Variants in MTPN observed in about 807,000 individuals in gnomAD.
The protein encoded by MTPN is granule cell differentiation protein.
In MTPN, 2 loss-of-function variants were observed where a neutral mutation model predicts 13.5. The ratio of observed to expected loss-of-function variants is 0.15; its 90% confidence interval spans 0.06 to 0.47. The LOEUF (loss-of-function observed/expected upper bound fraction) is 0.47, where lower values mean the gene tolerates loss of function less well. Ranked by LOEUF, MTPN falls within the 20% of genes least tolerant of loss-of-function variation. The pLI is 0.97. For missense variants in MTPN, 79 were observed against 137.9 expected (o/e 0.57, Z 2.14); for synonymous variants, 46 against 51.7 (o/e 0.89, Z 0.48).
intron 1 of MTPN, among the ~76,000 whole-genome samples, chr7:135,959,938 A>T (rs985206029): frequency 6.6e-6 from 1 of 152,038 alleles, no homozygotes; most frequent in Non-Finnish European, 1.5e-5. Flanking sequence ...CCTCTTTACA[A>T]TGCCAAGTTG....
intron 1 of MTPN, chr7:135,960,640 A>T (rs1202730729): frequency 6.6e-6 from 1 of 152,004 alleles, no homozygotes; most frequent in Non-Finnish European, 1.5e-5. Context: ...AAGAAAATAA[A>T]GAAAAAAAAC....
chr7:135,971,462 C>G (rs554195830), intron 1 of MTPN, among the ~76,000 whole-genome samples: 4 of 152,128 alleles, frequency 2.6e-5, no homozygotes, highest in Non-Finnish European at 5.9e-5. Flanking sequence ...TAGTACCCCC[C>G]TAGTTTCTGG....
chr7:135,933,516 T>C lies in MTPN; in HGVS notation c.271-3504A>G, dbSNP rs577315087. On this transcript the variant is annotated intron_variant, in intron 3 of 3. Coordinates refer to ENST00000393085, the MANE Select transcript of MTPN (RefSeq NM_145808.4). Reference sequence around the variant, plus strand: ...TTTCTATTTTGTCAAGATTAACTTTTATATTCTGGTCTGTAAAAACTGTGT... The same window carrying C: ...TTTCTATTTTGTCAAGATTAACTTTCATATTCTGGTCTGTAAAAACTGTGT... 1.3e-4 allele frequency among the ~76,000 whole-genome samples: 20 copies of C among 152,346 alleles called. No individual in the cohort carries two copies. The South Asian group carries it at 2.3e-3, about 17-fold the overall frequency.
chr7:135,954,811 T>A (rs371852391), intron 1 of MTPN, among the ~76,000 whole-genome samples: 2 of 152,042 alleles, frequency 1.3e-5, no homozygotes, highest in African/African-American at 4.8e-5. Context: ...GGCGTGGTGG[T>A]GGGCACCTGT....
Position 135,951,523 on chromosome 7 carries a change from A to G in MTPN, c.180T>C (p.Asp60=). 1 of 1,609,740 alleles carries G rather than the reference A, an allele frequency of 6.2e-7. No individual in the cohort carries two copies. The highest frequency in any genetic ancestry group is 1.3e-5 in the African/African-American group (1 of 74,952). The change falls in exon 2 of 4, where the codon GAT becomes GAC. Residue 60 remains aspartate (D), a synonymous_variant. Coordinates refer to ENST00000393085, the MANE Select transcript of MTPN (RefSeq NM_145808.4). ...ILEFLLLKGA[D]INAPDKHHIT... is the part of the protein sequence containing the mutation. Reference sequence around the variant, plus strand: ...GATCACGTCCTCTACGTACATTAATATCTGCTCCTTTCAGCAGCAGAAATT... The same window carrying G: ...GATCACGTCCTCTACGTACATTAATGTCTGCTCCTTTCAGCAGCAGAAATT...
chr7:135,964,076 A>C (rs755977528), intron 1 of MTPN, among the ~76,000 whole-genome samples: 3 of 152,014 alleles, frequency 2.0e-5, no homozygotes, highest in Non-Finnish European at 4.4e-5. Context: ...AAAAATTGTC[A>C]ATTTGGAAAA....
At chr7:135,948,470 A>G (rs180945830) in intron 3 of MTPN, among the ~76,000 whole-genome samples, 5 of 146,410 alleles carry the variant, frequency 3.4e-5, no homozygotes, top group Non-Finnish European at 5.9e-5. Context: ...AAGAAAAAAC[A>G]AACTAGTTAA....
chr7:135,956,712 A>G (rs1799448851), intron 1 of MTPN, among the ~76,000 whole-genome samples: 1 of 151,694 alleles, frequency 6.6e-6, no homozygotes, highest in Non-Finnish European at 1.5e-5. Flanking sequence ...TTTGGGGAAA[A>G]CTTCATGTTT....
At chr7:135,939,832 TG>T (rs1799181602) in intron 3 of MTPN, among the ~76,000 whole-genome samples, 1 of 152,172 alleles carries the variant, frequency 6.6e-6, no homozygotes, top group Non-Finnish European at 1.5e-5. Flanking sequence ...CTGTTATATT[TG>T]TCCCTATAGC....
In MTPN at chr7:135,972,231, G is replaced by GCGCA. The variant is rs779296906; in HGVS notation, c.72+4797_72+4798insTGCG. ...CACACGCGCACACGCGCACGCGCGC[G>GCGCA]CACACACACACACACACACACACAC... is the stretch of plus-strand genomic sequence containing the variant. On this transcript the variant is annotated intron_variant, in intron 1 of 3. Coordinates refer to ENST00000393085, the MANE Select transcript of MTPN (RefSeq NM_145808.4). Among the ~76,000 whole-genome samples, 302 of 124,712 alleles carry GCGCA rather than the reference G, an allele frequency of 2.4e-3. 1 individual carries two copies. Among genetic ancestry groups the GCGCA allele is most frequent in the African/African-American group, 7.9e-3 (264 of 33,342 alleles). 81.8% of individuals were successfully genotyped at this position (124,712 alleles called of 152,430 possible). A position where few individuals can be genotyped will look rare whatever the true frequency, so the allele number is the denominator to read the frequency against.
At chr7:135,944,573 A>G (rs368373060) in intron 3 of MTPN, among the ~76,000 whole-genome samples, 1 of 152,164 alleles carries the variant, frequency 6.6e-6, no homozygotes. Context: ...CTGAGGCAGG[A>G]GAAGTGCCTG....
At chr7:135,945,422 G>A (rs1029440666) in intron 3 of MTPN, among the ~76,000 whole-genome samples, 10 of 152,102 alleles carry the variant, frequency 6.6e-5, no homozygotes, top group Non-Finnish European at 1.0e-4. Flanking sequence ...ACACTGCACA[G>A]CTGTAGAAAA....
At position 135,927,220 on chromosome 7, in the gene MTPN, G is replaced by C; in HGVS notation, c.*2706C>G. 1 of 1,293,690 alleles carries C rather than the reference G, an allele frequency of 7.7e-7. No individual in the cohort carries two copies. Among genetic ancestry groups the C allele is most frequent in the Non-Finnish European group, 1.0e-6 (1 of 967,530 alleles). 80.1% of individuals were successfully genotyped at this position (1,293,690 alleles called of 1,614,324 possible). A position where few individuals can be genotyped will look rare whatever the true frequency, so the allele number is the denominator to read the frequency against. On this transcript the variant is annotated 3_prime_UTR_variant, in exon 4 of 4. Coordinates refer to ENST00000393085, the MANE Select transcript of MTPN (RefSeq NM_145808.4). The stretch of plus-strand genomic sequence containing the variant: ...CAATGAATAAAAGGCCTACTTGTTT[G>C]CAGCTTCCACACACTGCACCTACCT...
intron 1 of MTPN, among the ~76,000 whole-genome samples, chr7:135,958,946 T>C (rs748826619): frequency 3.0e-4 from 45 of 152,180 alleles, no homozygotes; most frequent in Non-Finnish European, 4.6e-4. Context: ...TACAGCATGA[T>C]TTCTAACCGA....
chr7:135,948,945 G>A (rs1007758457), intron 3 of MTPN, among the ~76,000 whole-genome samples: 1 of 152,134 alleles, frequency 6.6e-6, no homozygotes, highest in African/African-American at 2.4e-5. Context: ...AGGCGGGAAC[G>A]AAGGGTAAGG....
At chr7:135,968,652 TC>T (rs1562936950) in intron 1 of MTPN, among the ~76,000 whole-genome samples, 1 of 149,794 alleles carries the variant, frequency 6.7e-6, no homozygotes, top group East Asian at 2.0e-4. Context: ...GTGCATGACA[TC>T]CTCCTAAGAT....
chr7:135,939,600 GGC>G, intron 3 of MTPN, among the ~76,000 whole-genome samples: 1 of 140,996 alleles, frequency 7.1e-6, no homozygotes. Context: ...GGGTGCGTGG[GGC>G]GGGTGCCCAG....
In MTPN at chr7:135,962,810, C is replaced by T. The variant is rs970210560; in HGVS notation, c.73-11180G>A. Among the ~76,000 whole-genome samples, 5 of 151,924 alleles carry T rather than the reference C, an allele frequency of 3.3e-5. No individual in the cohort carries two copies. In the East Asian group the frequency reaches 9.6e-4, roughly 29 times the overall value. ...AGGTTTATTTGAATAATAAACAGTA[C>T]AATAAAATAGTACTCTTTATGCTAT... On this transcript the variant is annotated intron_variant, in intron 1 of 3. Transcript: ENST00000393085.
At chr7:135,969,197 C>T (rs1562937160) in intron 1 of MTPN, among the ~76,000 whole-genome samples, 1 of 136,162 alleles carries the variant, frequency 7.3e-6, no homozygotes, top group Non-Finnish European at 1.5e-5. Context: ...ATGCAACTAA[C>T]CTGCACAATG....
Sources: allele counts gnomAD v4.1 joint callset (sites outside exome capture counted in the v4.1 genomes callset), GRCh38; gene constraint gnomAD v4.1.1; transcripts MANE v1.5; gene names NCBI Gene and HGNC (gene_info 2026-07-23, HGNC 2026-07-21).